Variants in STRN observed in about 807,000 individuals in gnomAD.
STRN encodes striatin.
Under a neutral mutation model 96.3 loss-of-function variants are expected in STRN, and 53 were observed. That is an observed-to-expected ratio of 0.55 (90% CI 0.44 to 0.69). The LOEUF (loss-of-function observed/expected upper bound fraction) is 0.69, where lower values mean the gene tolerates loss of function less well. Ranked by LOEUF, STRN falls within the 30% of genes least tolerant of loss-of-function variation. The pLI is 0.00. For synonymous variants in STRN, 428 were observed against 355.9 expected (o/e 1.20, Z -2.28); for missense variants, 987 against 963.9 (o/e 1.02, Z -0.32).
At chr2:36,879,937 C>G (rs986751868) in intron 9 of STRN, among the ~76,000 whole-genome samples, 3 of 151,780 alleles carry the variant, frequency 2.0e-5, no homozygotes, top group Non-Finnish European at 4.4e-5. Context: ...TGAGACCAGC[C>G]TGGGCGACAG....
chr2:36,938,065 G>C (rs1670751427), intron 1 of STRN, among the ~76,000 whole-genome samples: 2 of 152,152 alleles, frequency 1.3e-5, no homozygotes, highest in South Asian at 4.1e-4. Context: ...AAAGTATTTT[G>C]AGAGATTAAT....
chr2:36,889,838 CA>C (rs1174122423), intron 7 of STRN, among the ~76,000 whole-genome samples: 4 of 152,136 alleles, frequency 2.6e-5, no homozygotes, highest in Non-Finnish European at 5.9e-5. Context: ...TGCTCACTAA[CA>C]GAACTATCCA....
chr2:36,861,821 T>C (rs778298875), intron 12 of STRN, among the ~76,000 whole-genome samples: 5 of 152,138 alleles, frequency 3.3e-5, no homozygotes, highest in South Asian at 2.1e-4. Flanking sequence ...GTTGGTACTA[T>C]AGATAAATTG....
chr2:36,884,600 G>T (rs540947138), intron 8 of STRN, among the ~76,000 whole-genome samples: 5 of 152,134 alleles, frequency 3.3e-5, no homozygotes, highest in Non-Finnish European at 5.9e-5. Context: ...ATCTTCAGTA[G>T]TTTTTCCTGT....
intron 7 of STRN, among the ~76,000 whole-genome samples, chr2:36,887,650 G>A (rs1179121954): frequency 6.6e-6 from 1 of 152,136 alleles, no homozygotes; most frequent in East Asian, 1.9e-4. Flanking sequence ...TCATTAGTAA[G>A]TGATAATTTT....
intron 1 of STRN, among the ~76,000 whole-genome samples, chr2:36,942,438 C>T (rs1558663037): frequency 6.6e-6 from 1 of 152,120 alleles, no homozygotes. Context: ...ATATTCATTC[C>T]ACTATAATTG....
At chr2:36,861,326 A>T in intron 12 of STRN, 73 bp from the exon 13 acceptor site, 1 of 1,554,428 alleles carries the variant, frequency 6.4e-7, no homozygotes, top group Non-Finnish European at 8.7e-7. Context: ...GTTAAAAATA[A>T]GAATGTTTAA....
chr2:36,867,208 A>G (rs993568624), intron 12 of STRN, among the ~76,000 whole-genome samples: 11 of 152,134 alleles, frequency 7.2e-5, no homozygotes, highest in African/African-American at 2.4e-4. Flanking sequence ...CCCTTCGGCC[A>G]GGTGCCTGTA....
intron 15 of STRN, among the ~76,000 whole-genome samples, chr2:36,854,361 G>A (rs1668292946): frequency 6.6e-6 from 1 of 152,076 alleles, no homozygotes; most frequent in African/African-American, 2.4e-5. Context: ...TTACATCCAA[G>A]TAGCTCAAAG....
intron 9 of STRN, among the ~76,000 whole-genome samples, chr2:36,878,709 A>G (rs923540062): frequency 3.3e-5 from 5 of 151,708 alleles, no homozygotes; most frequent in South Asian, 2.1e-4. Flanking sequence ...TTCTGTAGGT[A>G]TATTATAGTT....
At chr2:36,963,505 T>C (rs1237209346) in intron 1 of STRN, among the ~76,000 whole-genome samples, 2 of 152,188 alleles carry the variant, frequency 1.3e-5, no homozygotes, top group Non-Finnish European at 1.5e-5. Context: ...AATAATTTTT[T>C]TTCCAATTAC....
rs892333353 is a variant in STRN at position 36,844,249 on chromosome 2, G to A, written c.*5207C>T. 2 of 152,174 alleles carry A rather than the reference G, an allele frequency of 1.3e-5. No homozygotes were observed. Among genetic ancestry groups the A allele is most frequent in the Admixed American group, 6.5e-5 (1 of 15,272 alleles). 9.4% of individuals were successfully genotyped at this position (152,174 alleles called of 1,614,324 possible). On this transcript the variant is annotated 3_prime_UTR_variant, in exon 18 of 18. Coordinates refer to ENST00000263918, the MANE Select transcript of STRN (RefSeq NM_003162.4). ...GGGGAGTTGTATTGTTTTCTCACAA[G>A]AGGCAAACTTCAGCCAAACAATGAA... is the stretch of plus-strand genomic sequence containing the variant.
intron 7 of STRN, among the ~76,000 whole-genome samples, chr2:36,889,204 T>C (rs1194620677): frequency 1.3e-5 from 2 of 152,168 alleles, no homozygotes; most frequent in Non-Finnish European, 2.9e-5. Flanking sequence ...GAATGAATGA[T>C]CCGAGTAAAC....
In STRN at chr2:36,940,837, A is replaced by C. The variant is rs1312613743; in HGVS notation, c.235-15629T>G. Among the ~76,000 whole-genome samples the C allele has an allele frequency of 5.6e-5, 5 of 88,854 alleles. No individual in the cohort carries two copies. The East Asian group carries it at 1.5e-3, about 27-fold the overall frequency. The allele number at this position is 88,854 out of a possible 152,430, so 58.3% of individuals were successfully genotyped here. On this transcript the variant is annotated intron_variant, in intron 1 of 17. Coordinates refer to ENST00000263918, the MANE Select transcript of STRN (RefSeq NM_003162.4). ...GGGCGACTGGGCAAGACTCTGTCTC[A>C]AAAAAAAAAAAAAAAAAAAAAAAAA... is the stretch of plus-strand genomic sequence containing the variant.
intron 15 of STRN, among the ~76,000 whole-genome samples, chr2:36,851,517 A>C (rs904525908): frequency 2.0e-5 from 3 of 152,116 alleles, no homozygotes; most frequent in African/African-American, 7.2e-5. Context: ...AGAAAAAGTA[A>C]TAATGTGACT....
rs1363847507 is a variant in STRN at position 36,838,328 on chromosome 2, G to C, written c.*11128C>G. Among the ~76,000 whole-genome samples the C allele has an allele frequency of 6.6e-6, 1 of 152,176 alleles. No individual in the cohort carries two copies. The highest frequency in any genetic ancestry group is 2.4e-5 in the African/African-American group (1 of 41,442). ...CTTTAGTTGAGTACCCACCCTGGAA[G>C]ACACTTTCATTTCAGCCTTGTTGGG... On this transcript the variant is annotated 3_prime_UTR_variant, in exon 18 of 18. Coordinates refer to ENST00000263918, the MANE Select transcript of STRN (RefSeq NM_003162.4).
chr2:36,850,232 T>G (rs1344539971), intron 16 of STRN, among the ~76,000 whole-genome samples: 1 of 152,192 alleles, frequency 6.6e-6, no homozygotes, highest in African/African-American at 2.4e-5. Context: ...ACAATTTTGG[T>G]GGATACAACA....
intron 7 of STRN, among the ~76,000 whole-genome samples, chr2:36,892,486 T>C (rs1022042670): frequency 6.6e-6 from 1 of 152,154 alleles, no homozygotes; most frequent in East Asian, 1.9e-4. Flanking sequence ...TCTGTATAAT[T>C]TGGGACATGT....
At chr2:36,923,721 G>A (rs1490735220) in intron 2 of STRN, among the ~76,000 whole-genome samples, 1 of 151,428 alleles carries the variant, frequency 6.6e-6, no homozygotes, top group African/African-American at 2.4e-5. Flanking sequence ...CTATTTTATT[G>A]CAAATATCCC....
Sources: gnomAD v4.1 joint callset for allele counts (sites outside exome capture counted in the v4.1 genomes callset) on GRCh38, gnomAD v4.1.1 for gene constraint, MANE v1.5 for transcripts, NCBI Gene and HGNC (gene_info 2026-07-23, HGNC 2026-07-21) for gene names.